PCSK2: variants seen among roughly 807,000 people sequenced by gnomAD.
The protein encoded by PCSK2 is proprotein convertase subtilisin/kexin type 2, also known as neuroendocrine convertase 2.
Under a neutral mutation model 69.7 loss-of-function variants are expected in PCSK2, and 14 were observed. The ratio of observed to expected loss-of-function variants is 0.20; its 90% CI spans 0.13 to 0.31. The LOEUF (loss-of-function observed/expected upper bound fraction) is 0.31, where lower values mean the gene tolerates loss of function less well. PCSK2 is among the 10% of genes least tolerant of loss of function. PCSK2 has a pLI of 1.00. For missense variants in PCSK2, 544 were observed against 842.5 expected, an observed-to-expected ratio of 0.65 and a Z score of 4.39; for synonymous variants, 307 against 320.7, an observed-to-expected ratio of 0.96 and a Z score of 0.46.
intron 2 of PCSK2, among the ~76,000 whole-genome samples, chr20:17,296,320 GTTAA>G (rs2123077205): frequency 6.6e-6 from 1 of 152,270 alleles, no homozygotes; most frequent in South Asian, 2.1e-4. Flanking sequence ...CATAAATTGA[GTTAA>G]TTAGCTACAT....
intron 2 of PCSK2, among the ~76,000 whole-genome samples, chr20:17,261,237 T>C (rs139660550): frequency 1.8e-3 from 279 of 152,372 alleles, no homozygotes; most frequent in African/African-American, 5.9e-3. Flanking sequence ...GAAGGCAGCG[T>C]AACCTCTTTC....
chr20:17,388,698 C>G (rs1377251487), intron 5 of PCSK2, among the ~76,000 whole-genome samples: 1 of 151,996 alleles, frequency 6.6e-6, no homozygotes, highest in Non-Finnish European at 1.5e-5. Flanking sequence ...CTTAAAGCCT[C>G]GCTCCACCAC....
chr20:17,301,609 C>T (rs1290466824), intron 2 of PCSK2, among the ~76,000 whole-genome samples: 1 of 151,952 alleles, frequency 6.6e-6, no homozygotes, highest in Non-Finnish European at 1.5e-5. Context: ...TGGAGATCAC[C>T]TTTTATTTGG....
intron 1 of PCSK2, among the ~76,000 whole-genome samples, chr20:17,232,881 C>A (rs1306346604): frequency 6.6e-6 from 1 of 152,144 alleles, no homozygotes; most frequent in South Asian, 2.1e-4. Context: ...TCTTCTGGAA[C>A]TAAAAGATTT....
intron 11 of PCSK2, among the ~76,000 whole-genome samples, chr20:17,466,177 A>C (rs2033097629): frequency 6.6e-6 from 1 of 152,096 alleles, no homozygotes; most frequent in South Asian, 2.1e-4. Context: ...ACACCCCCAA[A>C]GGCCCCCTGC....
chr20:17,382,547 C>T (rs928485292), intron 5 of PCSK2, among the ~76,000 whole-genome samples: 1 of 152,124 alleles, frequency 6.6e-6, no homozygotes, highest in Non-Finnish European at 1.5e-5. Context: ...TTGACTGCTG[C>T]TCCCTTCTTT....
intron 2 of PCSK2, among the ~76,000 whole-genome samples, chr20:17,318,252 A>C (rs1989749835): frequency 6.6e-6 from 1 of 152,204 alleles, no homozygotes; most frequent in African/African-American, 2.4e-5. Context: ...CCAGTCCTTG[A>C]ACTTGTGTTC....
chr20:17,362,179 C>T (rs1029983595), intron 4 of PCSK2, among the ~76,000 whole-genome samples: 1 of 152,224 alleles, frequency 6.6e-6, no homozygotes, highest in Non-Finnish European at 1.5e-5. Context: ...TGGCTCCTGA[C>T]TCATTTCCAC....
At chr20:17,348,611 A>G (rs909762699) in intron 2 of PCSK2, among the ~76,000 whole-genome samples, 3 of 152,174 alleles carry the variant, frequency 2.0e-5, no homozygotes, top group African/African-American at 4.8e-5. Context: ...TGGCTTAAAG[A>G]ACAGAAATGT....
intron 5 of PCSK2, among the ~76,000 whole-genome samples, chr20:17,392,805 G>A (rs2031417379): frequency 6.6e-6 from 1 of 152,156 alleles, no homozygotes; most frequent in Non-Finnish European, 1.5e-5. Context: ...GTACCACAAT[G>A]TGTTTATCTG....
chr20:17,384,724 G>A (rs184522516), intron 5 of PCSK2, among the ~76,000 whole-genome samples: 1 of 152,278 alleles, frequency 6.6e-6, no homozygotes, highest in East Asian at 1.9e-4. Context: ...GCTTGAGCCA[G>A]GGGTTTGAGA....
At chr20:17,384,765 G>A (rs557473399) in intron 5 of PCSK2, among the ~76,000 whole-genome samples, 10 of 152,038 alleles carry the variant, frequency 6.6e-5, no homozygotes, top group East Asian at 5.8e-4. Flanking sequence ...ACACCCTGTC[G>A]CTACAAAAAA....
At chr20:17,319,451 G>T (rs1487448925) in intron 2 of PCSK2, among the ~76,000 whole-genome samples, 1 of 152,194 alleles carries the variant, frequency 6.6e-6, no homozygotes, top group African/African-American at 2.4e-5. Flanking sequence ...CTGCTGTCTG[G>T]GAGGTGCAAG....
rs141262129 is a variant in PCSK2 at position 17,374,018 on chromosome 20, G to A, written c.543+4741G>A. On this transcript the variant is annotated intron_variant, in intron 5 of 11. Transcript: ENST00000262545. ...TTTCTTTTTCTATCCCAATAGTCATGACACGAAATGAGTATTAGCCAAGAG... is the reference window on the plus strand; with the variant it reads ...TTTCTTTTTCTATCCCAATAGTCATAACACGAAATGAGTATTAGCCAAGAG... 2.3e-3 allele frequency among the ~76,000 whole-genome samples: 353 copies of A among 152,292 alleles called. 2 individuals are homozygous for A. Among genetic ancestry groups the A allele is most frequent in the Non-Finnish European group, 3.7e-3 (253 of 68,030 alleles).
chr20:17,255,065 T>G (rs1049968124), intron 1 of PCSK2, among the ~76,000 whole-genome samples: 5 of 152,244 alleles, frequency 3.3e-5, no homozygotes, highest in African/African-American at 1.2e-4. Context: ...ATAATTTTTC[T>G]GGATTCATTA....
At chr20:17,315,121 C>T (rs1477391768) in intron 2 of PCSK2, among the ~76,000 whole-genome samples, 2 of 152,178 alleles carry the variant, frequency 1.3e-5, no homozygotes, top group East Asian at 1.9e-4. Flanking sequence ...AGCCCAACAC[C>T]GAGGAACCAG....
In PCSK2 at chr20:17,297,490, G is replaced by A. The variant is rs557509161; in HGVS notation, c.282+37146G>A. Among the ~76,000 whole-genome samples, 7 of 152,306 alleles carry A rather than the reference G, an allele frequency of 4.6e-5. No homozygotes were observed. In the East Asian group the frequency reaches 1.4e-3, roughly 29 times the overall value. On this transcript the variant is annotated intron_variant, in intron 2 of 11. Coordinates refer to ENST00000262545, the MANE Select transcript of PCSK2 (RefSeq NM_002594.5). ...GAATGGATCCAGATTCAACACTACC[G>A]TCTGAAGCAGCACTAGCTCAGGTTG...
At chr20:17,358,475 T>A in intron 3 of PCSK2, 35 bp downstream of exon 3, 1 of 1,099,844 alleles carries the variant, frequency 9.1e-7, no homozygotes. Flanking sequence ...ACATTTCCCA[T>A]CTTGAGACTC....
upstream of PCSK2, chr20:17,226,865 G>C (rs1985925128): frequency 6.8e-6 from 1 of 146,778 alleles, no homozygotes. Flanking sequence ...CCGGGCCGGG[G>C]GTGGGCGGGG....
Sources: allele counts gnomAD v4.1 joint callset (sites outside exome capture counted in the v4.1 genomes callset), GRCh38; gene constraint gnomAD v4.1.1; transcripts MANE v1.5; gene names NCBI Gene and HGNC (gene_info 2026-07-23, HGNC 2026-07-21).